RGS7: variants seen among roughly 807,000 people sequenced by gnomAD.
RGS7 encodes regulator of G-protein signaling 7.
In RGS7, 27 loss-of-function variants were observed where a neutral mutation model predicts 81.1. The ratio of observed to expected loss-of-function variants is 0.33; its 90% confidence interval spans 0.25 to 0.46. The LOEUF is 0.46. Ranked by LOEUF, RGS7 falls within the 20% of genes least tolerant of loss-of-function variation. The pLI, the probability that RGS7 is intolerant of heterozygous loss-of-function variation, is 1.00. For missense variants in RGS7, 396 were observed against 607.4 expected, an observed-to-expected ratio of 0.65 and a Z score of 3.66; for synonymous variants, 208 against 207.7, an observed-to-expected ratio of 1.00 and a Z score of -0.01.
At chr1:240,971,064 G>A (rs996311219) in intron 4 of RGS7, among the ~76,000 whole-genome samples, 2 of 152,156 alleles carry the variant, frequency 1.3e-5, no homozygotes, top group Non-Finnish European at 2.9e-5. Flanking sequence ...CTGAATGTCT[G>A]TATCACCCCC....
chr1:241,352,846 T>G (rs1327362308), intron 2 of RGS7, among the ~76,000 whole-genome samples: 1 of 152,230 alleles, frequency 6.6e-6, no homozygotes, highest in African/African-American at 2.4e-5. Context: ...AATTTACACA[T>G]CCCAGCTTTT....
intron 2 of RGS7, 72 bp from the exon 3 acceptor site, chr1:241,098,834 A>G (rs746815996): frequency 9.3e-7 from 1 of 1,075,366 alleles, no homozygotes; most frequent in African/African-American, 1.6e-5. Flanking sequence ...CTCTCATAAC[A>G]ATTTTGTATT....
intron 2 of RGS7, among the ~76,000 whole-genome samples, chr1:241,302,168 G>A (rs974993360): frequency 6.6e-6 from 1 of 152,232 alleles, no homozygotes; most frequent in African/African-American, 2.4e-5. Flanking sequence ...GCCCTGAGGT[G>A]AGAGCAGGCC....
intron 2 of RGS7, among the ~76,000 whole-genome samples, chr1:241,148,953 T>C (rs1264080777): frequency 6.6e-6 from 1 of 152,190 alleles, no homozygotes; most frequent in Non-Finnish European, 1.5e-5. Context: ...AAATGTAAAA[T>C]TACAACCATT....
At chr1:241,169,384 C>T (rs1234299578) in intron 2 of RGS7, among the ~76,000 whole-genome samples, 1 of 134,436 alleles carries the variant, frequency 7.4e-6, no homozygotes, top group Non-Finnish European at 1.5e-5. Context: ...CACTCTGTCT[C>T]CCAGGCTGGA....
At chr1:240,950,417 A>G (rs189534649) in intron 4 of RGS7, among the ~76,000 whole-genome samples, 26 of 152,318 alleles carry the variant, frequency 1.7e-4, no homozygotes, top group Non-Finnish European at 3.5e-4. Flanking sequence ...CTCCAACTAC[A>G]GTCCCCTCTA....
At chr1:241,182,651 T>TC (rs2071725698) in intron 2 of RGS7, among the ~76,000 whole-genome samples, 1 of 144,868 alleles carries the variant, frequency 6.9e-6, no homozygotes, top group African/African-American at 2.5e-5. Flanking sequence ...TCTCACGCTT[T>TC]TTTTTTTTTT....
chr1:241,128,570 A>T (rs190735360), intron 2 of RGS7, among the ~76,000 whole-genome samples: 1,911 of 152,106 alleles, frequency 0.013, 124 homozygotes, highest in Admixed American at 0.11. Flanking sequence ...GGGTAAAAGA[A>T]CGAGACTCCG....
intron 2 of RGS7, among the ~76,000 whole-genome samples, chr1:241,136,555 C>G (rs1033603473): frequency 1.3e-5 from 2 of 152,088 alleles, no homozygotes; most frequent in South Asian, 2.1e-4. Flanking sequence ...CACTGCGCAC[C>G]GATCTTGAGC....
rs7547102 is a variant in RGS7, at chr1:240,973,832, G to A, written c.226+9247C>T. Among the ~76,000 whole-genome samples, 983 of 151,918 alleles carry A rather than the reference G, an allele frequency of 6.5e-3. 16 individuals are homozygous for A. Among genetic ancestry groups the A allele is most frequent in the African/African-American group, 0.023 (933 of 41,430 alleles). ...CCTGACCTTGTGATCCATCCGCCTC[G>A]GCCTCCCAAAGTGCTGGGATTACAG... On this transcript the variant is annotated intron_variant, in intron 4 of 18. Coordinates refer to ENST00000440928, the MANE Select transcript of RGS7 (RefSeq NM_001364886.1).
chr1:241,103,618 T>C (rs776758805), intron 2 of RGS7, among the ~76,000 whole-genome samples: 4 of 152,120 alleles, frequency 2.6e-5, no homozygotes, highest in Non-Finnish European at 5.9e-5. Flanking sequence ...ACGCCAGTAA[T>C]CTCAGCACTT....
chr1:241,143,792 T>A (rs2068098915), intron 2 of RGS7, among the ~76,000 whole-genome samples: 1 of 152,160 alleles, frequency 6.6e-6, no homozygotes, highest in Non-Finnish European at 1.5e-5. Flanking sequence ...CACCACTGTA[T>A]TTAGAGGTGG....
intron 2 of RGS7, among the ~76,000 whole-genome samples, chr1:241,130,344 TAAAAAA>T (rs535450158): frequency 6.9e-6 from 1 of 144,158 alleles, no homozygotes; most frequent in Non-Finnish European, 1.5e-5. Context: ...TAACATAAAT[TAAAAAA>T]AAAAAACACT....
intron 2 of RGS7, among the ~76,000 whole-genome samples, chr1:241,286,361 C>A (rs2078809345): frequency 6.6e-6 from 1 of 152,214 alleles, no homozygotes; most frequent in Admixed American, 6.5e-5. Context: ...TGACTCCCTT[C>A]TTCAGCTCTG....
At chr1:240,985,886 A>G (rs2148569274) in intron 3 of RGS7, among the ~76,000 whole-genome samples, 1 of 152,018 alleles carries the variant, frequency 6.6e-6, no homozygotes, top group East Asian at 1.9e-4. Flanking sequence ...TTTAAAATGG[A>G]GCATTACAGT....
At chr1:240,786,008 A>G (rs1558247645) in intron 18 of RGS7, among the ~76,000 whole-genome samples, 1 of 152,212 alleles carries the variant, frequency 6.6e-6, no homozygotes, top group Admixed American at 6.5e-5. Flanking sequence ...ATGCTGAAAA[A>G]TATTCTAGTA....
At chr1:241,186,816 C>T (rs1009496911) in intron 2 of RGS7, among the ~76,000 whole-genome samples, 3 of 152,022 alleles carry the variant, frequency 2.0e-5, no homozygotes, top group African/African-American at 4.8e-5. Context: ...CGTGAGCCAC[C>T]GCGCCCGGCC....
At chr1:240,945,947 C>T (rs1035414549) in intron 4 of RGS7, among the ~76,000 whole-genome samples, 2 of 152,076 alleles carry the variant, frequency 1.3e-5, no homozygotes, top group African/African-American at 4.8e-5. Flanking sequence ...ATCTAATACA[C>T]AAGCTTTCCA....
intron 4 of RGS7, among the ~76,000 whole-genome samples, chr1:240,946,621 G>T (rs559193109): frequency 1.3e-5 from 2 of 152,048 alleles, no homozygotes; most frequent in Admixed American, 6.6e-5. Flanking sequence ...AATTAAAAAA[G>T]AATTAAAATC....
Sources: allele counts gnomAD v4.1 joint callset (sites outside exome capture counted in the v4.1 genomes callset), GRCh38; gene constraint gnomAD v4.1.1; transcripts MANE v1.5; gene names NCBI Gene and HGNC (gene_info 2026-07-23, HGNC 2026-07-21).